Variants in WDR17 observed in about 807,000 individuals in gnomAD.
WDR17 encodes the protein WD repeat-containing protein 17.
In WDR17, 143 loss-of-function variants were observed where a neutral mutation model predicts 161.7. The observed-to-expected ratio is 0.88, with a 90% confidence interval of 0.77 to 1.02. The LOEUF is 1.02. WDR17 is among the 50% of genes least tolerant of loss of function. The pLI is 0.00. For missense variants in WDR17, 1,469 were observed against 1,520.9 expected, an observed-to-expected ratio of 0.97 and a Z score of 0.57; for synonymous variants, 517 against 515.6, an observed-to-expected ratio of 1.00 and a Z score of -0.04.
chr4:176,111,348 T>C, intron 1 of WDR17: 1 of 305,466 alleles, frequency 3.3e-6, no homozygotes, highest in East Asian at 5.8e-5. Flanking sequence ...CTGTCGTTCC[T>C]TCATTATCAT....
chr4:176,123,768 A>G (rs1579111773), intron 4 of WDR17, among the ~76,000 whole-genome samples: 1 of 152,268 alleles, frequency 6.6e-6, no homozygotes, highest in Middle Eastern at 3.4e-3. Context: ...TTTATTATAT[A>G]GGCATATTGA....
At chr4:176,114,369 G>A (rs1003019112) in intron 2 of WDR17, among the ~76,000 whole-genome samples, 2 of 152,010 alleles carry the variant, frequency 1.3e-5, no homozygotes, top group African/African-American at 4.8e-5. Flanking sequence ...AATAGTTGAA[G>A]TTATAGGAAG....
chr4:176,152,658 C>T (rs1747395374), intron 17 of WDR17, among the ~76,000 whole-genome samples: 1 of 145,004 alleles, frequency 6.9e-6, no homozygotes, highest in Admixed American at 7.0e-5. Flanking sequence ...TGCTGGCTCA[C>T]ACTTTCACAC....
intron 23 of WDR17, among the ~76,000 whole-genome samples, chr4:176,172,017 G>A (rs1469531507): frequency 1.3e-5 from 2 of 152,060 alleles, no homozygotes; most frequent in South Asian, 2.1e-4. Context: ...TTTTTGCGCC[G>A]TTATGGTCAG....
intron 12 of WDR17, among the ~76,000 whole-genome samples, chr4:176,147,735 C>T (rs1229380605): frequency 6.6e-6 from 1 of 151,572 alleles, no homozygotes; most frequent in Non-Finnish European, 1.5e-5. Context: ...TGCACATGTA[C>T]CCTAAAACTT....
rs779776615 is a variant in WDR17 at position 176,148,164 on chromosome 4, G to T, written c.1726G>T (p.Ala576Ser). 2.7e-5 allele frequency: 44 copies of T among 1,613,804 alleles called. No homozygotes were observed. Among genetic ancestry groups the T allele is most frequent in the Non-Finnish European group, 3.6e-5 (43 of 1,179,934 alleles). ...TVRIWDYTQD[A>S]CINILNGHTA... ...TCGAATCTGGGATTATACTCAGGAT[G>T]CTTGCATCAATATTCTTAATGGACA... Residue 576 changes from alanine (A) to serine (S), a missense_variant, in exon 13 of 29, where the codon GCT becomes TCT. Transcript: ENST00000508596.
chr4:176,141,920 T>C (rs1478714360), intron 10 of WDR17, 63 bp from the exon 11 acceptor site: 10 of 1,258,600 alleles, frequency 7.9e-6, no homozygotes, highest in Non-Finnish European at 7.7e-6. Context: ...ATTCTGACTT[T>C]GTTTCCTTGA....
At chr4:176,140,460 A>G (rs1031371224) in intron 10 of WDR17, among the ~76,000 whole-genome samples, 1 of 152,150 alleles carries the variant, frequency 6.6e-6, no homozygotes, top group Admixed American at 6.5e-5. Flanking sequence ...TTTGTTAGGA[A>G]ATAACTTCAC....
intron 11 of WDR17, 148 bp from the exon 12 acceptor site, chr4:176,145,847 C>A: frequency 1.6e-6 from 1 of 611,982 alleles, no homozygotes; most frequent in Non-Finnish European, 2.7e-6. Context: ...CGTGATTATA[C>A]ACGATTTTTT....
chr4:176,093,649 T>G (rs1736426532), intron 1 of WDR17, among the ~76,000 whole-genome samples: 1 of 152,144 alleles, frequency 6.6e-6, no homozygotes, highest in Non-Finnish European at 1.5e-5. Flanking sequence ...TGCGAAGATG[T>G]GTAATAAATT....
chr4:176,144,001 A>G (rs1340500548), intron 11 of WDR17, among the ~76,000 whole-genome samples: 1 of 152,104 alleles, frequency 6.6e-6, no homozygotes, highest in East Asian at 1.9e-4. Context: ...TATTTTATTA[A>G]TCTCATTCCC....
intron 1 of WDR17, among the ~76,000 whole-genome samples, chr4:176,110,365 A>G (rs1739497412): frequency 6.6e-6 from 1 of 152,100 alleles, no homozygotes; most frequent in Non-Finnish European, 1.5e-5. Flanking sequence ...TGACGTCGTG[A>G]TCCGCCCTCT....
At chr4:176,080,636 G>A (rs1262483791) in intron 1 of WDR17, among the ~76,000 whole-genome samples, 1 of 152,068 alleles carries the variant, frequency 6.6e-6, no homozygotes, top group Non-Finnish European at 1.5e-5. Flanking sequence ...TACTAATTTT[G>A]CTAATTAACA....
At chr4:176,117,700 G>A (rs1740863868) in intron 3 of WDR17, among the ~76,000 whole-genome samples, 2 of 152,002 alleles carry the variant, frequency 1.3e-5, no homozygotes, top group South Asian at 2.1e-4. Context: ...GTCCCAGAAT[G>A]ATGAGATAAT....
intron 23 of WDR17, among the ~76,000 whole-genome samples, chr4:176,169,332 A>G (rs577098796): frequency 6.6e-6 from 1 of 152,326 alleles, no homozygotes; most frequent in African/African-American, 2.4e-5. Context: ...AATGTTCAAT[A>G]GGAAGATTAT....
At chr4:176,091,758 T>C (rs913585194) in intron 1 of WDR17, among the ~76,000 whole-genome samples, 4 of 151,934 alleles carry the variant, frequency 2.6e-5, no homozygotes, top group Non-Finnish European at 4.4e-5. Flanking sequence ...AAAAAAGACC[T>C]AAATAAATTC....
At position 176,137,540 on chromosome 4, in the gene WDR17, G is replaced by T. The variant is rs1175232579; in HGVS notation, c.1288G>T (p.Gly430Trp). ...CTAAGGTGGTTTAAATTGTATTGCT[G>T]GGGGAACTTCCCGAAATGGTGCTTT... ...WAPGGLNCIAGGTSRNGAFIW... is the reference protein window; with the variant it reads ...WAPGGLNCIAWGTSRNGAFIW... The change falls in exon 9 of 29, where the codon GGG (glycine) becomes TGG (tryptophan). Residue 430 changes from glycine to tryptophan, a missense_variant. Physicochemically the swap from Gly to Trp is radical, Grantham distance 184. Transcript: ENST00000508596. The T allele has an allele frequency of 6.2e-7, 1 of 1,601,542 alleles. No homozygotes were observed. Among genetic ancestry groups the T allele is most frequent in the African/African-American group, 1.3e-5 (1 of 74,648 alleles).
At chr4:176,134,024 G>T (rs13328066) in intron 7 of WDR17, among the ~76,000 whole-genome samples, 38,571 of 151,504 alleles carry the variant, frequency 0.25, 5,076 homozygotes, top group African/African-American at 0.3. Flanking sequence ...GTCCCTGCCT[G>T]GATTATGTTC....
chr4:176,124,133 A>T (rs898164350), intron 4 of WDR17, among the ~76,000 whole-genome samples: 2 of 152,158 alleles, frequency 1.3e-5, no homozygotes, highest in Admixed American at 1.3e-4. Context: ...ATTATCTTTC[A>T]ATTGTGCTTT....
Sources: allele counts gnomAD v4.1 joint callset (sites outside exome capture counted in the v4.1 genomes callset), GRCh38; gene constraint gnomAD v4.1.1; transcripts MANE v1.5; gene names NCBI Gene and HGNC (gene_info 2026-07-23, HGNC 2026-07-21).